DOK6: variants seen among roughly 807,000 people sequenced by gnomAD.
The protein encoded by DOK6 is docking protein 6.
DOK6 carries 22 observed loss-of-function variants against 44.0 expected under a neutral mutation model. That is an observed-to-expected ratio of 0.50 (90% CI 0.36 to 0.71). The LOEUF is 0.71. Among genes scored for constraint, DOK6 ranks in the 30% least tolerant of loss-of-function variants. The pLI, the probability that DOK6 is intolerant of heterozygous loss-of-function variation, is 0.00. For synonymous variants in DOK6, 166 were observed against 145.5 expected (o/e 1.14, Z -1.01); for missense variants, 340 against 416.4 (o/e 0.82, Z 1.60).
At chr18:69,831,740 A>G (rs962238564) in intron 7 of DOK6, among the ~76,000 whole-genome samples, 2 of 152,226 alleles carry the variant, frequency 1.3e-5, no homozygotes, top group African/African-American at 4.8e-5. Context: ...ACTCTAGGAG[A>G]GCACAGTGAT....
intron 4 of DOK6, among the ~76,000 whole-genome samples, chr18:69,688,387 A>G (rs1986195939): frequency 6.6e-6 from 1 of 152,240 alleles, no homozygotes; most frequent in South Asian, 2.1e-4. Flanking sequence ...AATCTTGAAA[A>G]GGAAAAGCCA....
intron 3 of DOK6, among the ~76,000 whole-genome samples, chr18:69,657,404 C>T (rs1260662484): frequency 6.6e-6 from 1 of 152,178 alleles, no homozygotes; most frequent in East Asian, 1.9e-4. Flanking sequence ...GAAGCTACCC[C>T]TTCAGCCTGG....
intron 7 of DOK6, among the ~76,000 whole-genome samples, chr18:69,813,738 A>G (rs915730875): frequency 3.9e-5 from 6 of 152,112 alleles, no homozygotes; most frequent in African/African-American, 1.4e-4. Context: ...CATCTAGAGC[A>G]TGGTACACAG....
intron 7 of DOK6, among the ~76,000 whole-genome samples, chr18:69,823,081 G>A (rs1192969394): frequency 6.6e-6 from 1 of 152,168 alleles, no homozygotes; most frequent in Admixed American, 6.5e-5. Context: ...ACTTCATTTT[G>A]TGTTCCACTC....
At chr18:69,749,985 T>G (rs1466363270) in intron 6 of DOK6, among the ~76,000 whole-genome samples, 1 of 147,020 alleles carries the variant, frequency 6.8e-6, no homozygotes, top group Non-Finnish European at 1.5e-5. Context: ...GTAAAATGAC[T>G]AAAGGGATAT....
intron 6 of DOK6, among the ~76,000 whole-genome samples, chr18:69,749,746 C>G (rs1979107890): frequency 6.6e-6 from 1 of 151,962 alleles, no homozygotes. Flanking sequence ...CGAGACCATC[C>G]TGGCCAACAT....
At chr18:69,650,350 T>C (rs1038276119) in intron 3 of DOK6, among the ~76,000 whole-genome samples, 2 of 152,104 alleles carry the variant, frequency 1.3e-5, no homozygotes, top group African/African-American at 2.4e-5. Flanking sequence ...TGCCTCCTGC[T>C]TTGAGTCGGG....
At chr18:69,548,458 A>G (rs1169281030) in intron 1 of DOK6, among the ~76,000 whole-genome samples, 1 of 151,652 alleles carries the variant, frequency 6.6e-6, no homozygotes. Context: ...CATTTATTTC[A>G]GAGAATTCAG....
intron 1 of DOK6, among the ~76,000 whole-genome samples, chr18:69,445,316 T>A (rs1184727546): frequency 1.3e-5 from 2 of 152,254 alleles, no homozygotes; most frequent in Non-Finnish European, 2.9e-5. Context: ...CCAGTACTAC[T>A]AGTACAACAT....
chr18:69,565,499 GTGTGTGTGTGTGTGTGTGTGTGTA>G (rs1190792951), intron 2 of DOK6, among the ~76,000 whole-genome samples: 180 of 12,560 alleles, frequency 0.014, 1 homozygote, highest in Admixed American at 0.086. Flanking sequence ...GTGTGTGTGT[GTGTGTGTGTGTGTGTGTGTGTGTA>G]TATATATATA....
intron 2 of DOK6, among the ~76,000 whole-genome samples, chr18:69,599,128 G>T (rs1983813372): frequency 6.6e-6 from 1 of 152,098 alleles, no homozygotes; most frequent in Admixed American, 6.5e-5. Flanking sequence ...AAAGCACAAA[G>T]TCCATAGAAC....
At chr18:69,546,205 AGGTCGAGG>A (rs1982399425) in intron 1 of DOK6, among the ~76,000 whole-genome samples, 1 of 147,622 alleles carries the variant, frequency 6.8e-6, no homozygotes, top group Non-Finnish European at 1.5e-5. Flanking sequence ...TGAACCTGGG[AGGTCGAGG>A]TTGCGGTGAC....
intron 3 of DOK6, among the ~76,000 whole-genome samples, chr18:69,600,674 T>A (rs991062057): frequency 2.6e-5 from 4 of 151,446 alleles, no homozygotes; most frequent in African/African-American, 9.7e-5. Flanking sequence ...AACTAGTATT[T>A]AAAAAAAAAC....
intron 1 of DOK6, among the ~76,000 whole-genome samples, chr18:69,518,049 A>G (rs1243735190): frequency 3.9e-5 from 6 of 152,118 alleles, no homozygotes; most frequent in African/African-American, 9.7e-5. Context: ...ATTTCCATTT[A>G]TGCATTTCTT....
intron 2 of DOK6, among the ~76,000 whole-genome samples, chr18:69,587,072 G>T (rs1037321493): frequency 1.3e-5 from 2 of 152,040 alleles, no homozygotes; most frequent in African/African-American, 4.8e-5. Context: ...TCTATTTTAC[G>T]TTCATGTAAT....
chr18:69,804,138 AAT>A (rs1307040325), intron 7 of DOK6, among the ~76,000 whole-genome samples: 1 of 152,100 alleles, frequency 6.6e-6, no homozygotes, highest in African/African-American at 2.4e-5. Context: ...CAAAGAGAAA[AAT>A]GACCTGGGGG....
chr18:69,557,666 G>A (rs901944419), intron 1 of DOK6, among the ~76,000 whole-genome samples: 13 of 152,086 alleles, frequency 8.5e-5, no homozygotes. Flanking sequence ...TTTCTATATG[G>A]GAATCGGAGG....
intron 1 of DOK6, among the ~76,000 whole-genome samples, chr18:69,476,626 G>A (rs1260738011): frequency 6.6e-6 from 1 of 152,214 alleles, no homozygotes; most frequent in Admixed American, 6.5e-5. Context: ...TCCACAGGAG[G>A]AGGGAAGGGA....
chr18:69,740,957 G>A (rs1599298703), intron 6 of DOK6, among the ~76,000 whole-genome samples: 2 of 152,200 alleles, frequency 1.3e-5, no homozygotes, highest in East Asian at 3.8e-4. Flanking sequence ...TGTTGTTGAT[G>A]TTGTTGTATG....
Sources: gnomAD v4.1 joint callset for allele counts (sites outside exome capture counted in the v4.1 genomes callset) on GRCh38, gnomAD v4.1.1 for gene constraint, MANE v1.5 for transcripts, NCBI Gene and HGNC (gene_info 2026-07-23, HGNC 2026-07-21) for gene names.